Variants in MLXIP observed in about 807,000 individuals in gnomAD.
MLXIP encodes the protein MLX interacting protein, also known as MLX-interacting protein.
A neutral mutation model predicts 87.2 loss-of-function variants in MLXIP; 30 were observed. The observed-to-expected ratio is 0.34, with a 90% CI of 0.26 to 0.47. MLXIP has a LOEUF of 0.47. Ranked by LOEUF, MLXIP falls within the 20% of genes least tolerant of loss-of-function variation. The pLI is 1.00. For missense variants in MLXIP, 1,002 were observed against 1,240.1 expected (o/e 0.81, Z 2.88); for synonymous variants, 530 against 514.0 (o/e 1.03, Z -0.42).
intron 1 of MLXIP, among the ~76,000 whole-genome samples, chr12:122,115,463 C>T (rs1487747456): frequency 6.6e-6 from 1 of 151,714 alleles, no homozygotes; most frequent in Non-Finnish European, 1.5e-5. Flanking sequence ...GTAGCGGGCA[C>T]CTGTCATCCC....
chr12:122,141,091 G>A lies in MLXIP; in HGVS notation c.2638+8G>A, dbSNP rs543956958. ...TGCCCATCCTCAGGCCGAGTGAGTG[G>A]GGCAGTGCCAGGGTGGGGGGCTTCA... On this transcript the variant is annotated splice_region_variant and intron_variant, in intron 16 of 16. Transcript: ENST00000319080. 44 of 1,605,138 alleles carry A rather than the reference G, an allele frequency of 2.7e-5. No individual in the cohort carries two copies. The East Asian group carries it at 7.4e-4, about 27-fold the overall frequency.
chr12:122,129,325 C>G, intron 4 of MLXIP, 99 bp downstream of exon 4: 1 of 1,122,394 alleles, frequency 8.9e-7, no homozygotes, highest in Non-Finnish European at 1.3e-6. Context: ...ACAGCCGCCC[C>G]ACCTGAACGT....
Position 122,133,410 on chromosome 12 carries a change from C to G in MLXIP, c.1155C>G (p.Pro385=). The change falls in exon 9 of 17, where the codon CCC becomes CCG. Residue 385 remains proline, a synonymous_variant. Coordinates refer to ENST00000319080, the MANE Select transcript of MLXIP (RefSeq NM_014938.6). The surrounding 1 kb of genome is among the most constrained non-coding windows in gnomAD (Gnocchi z 4.9). ...GCCTTCCTGACAGCCTCATCGCGCC[C>G]CCTACCGCCCCATCCCTGGCTCACA... ...TVSLPDSLIA[P]PTAPSLAHMD... The G allele has an allele frequency of 6.2e-7, 1 of 1,607,146 alleles. No homozygotes were observed. Among genetic ancestry groups the G allele is most frequent in the Non-Finnish European group, 8.5e-7 (1 of 1,175,098 alleles).
chr12:122,135,041 C>T lies in MLXIP; in HGVS notation c.1733-183C>T. On this transcript the variant is annotated intron_variant, in intron 9 of 16. Transcript: ENST00000319080. The surrounding 1 kb of genome is among the most constrained non-coding windows in gnomAD (Gnocchi z 5.3). Reference sequence around the variant, plus strand: ...AAACATGGTCCTGGCCATCTCTTTCCTGGGTCTATAACATGTCTCCTTCAA... The same window carrying T: ...AAACATGGTCCTGGCCATCTCTTTCTTGGGTCTATAACATGTCTCCTTCAA... 4.5e-6 allele frequency: 3 copies of T among 662,432 alleles called. No individual in the cohort carries two copies. The highest frequency in any genetic ancestry group is 5.3e-6 in the Non-Finnish European group (2 of 378,920). The allele number at this position is 662,432 out of a possible 1,614,324, so 41.0% of individuals were successfully genotyped here.
chr12:122,106,658 GT>G (rs1027185611), intron 1 of MLXIP, among the ~76,000 whole-genome samples: 18 of 132,698 alleles, frequency 1.4e-4, no homozygotes, highest in African/African-American at 5.0e-4. Context: ...CTGGAGTGCA[GT>G]GGCGCGATCT....
chr12:122,144,621 C>G lies in MLXIP; in HGVS notation c.*2809C>G, dbSNP rs1401373509. On this transcript the variant is annotated 3_prime_UTR_variant, in exon 17 of 17. Transcript: ENST00000319080. ...AAAATAGAGGCAGACTGTGGTGGCT[C>G]ACGCCTGTAATCCCAGCACTTTGGT... 1 of 152,062 alleles carries G rather than the reference C, an allele frequency of 6.6e-6. No individual in the cohort carries two copies. The highest frequency in any genetic ancestry group is 1.5e-5 in the Non-Finnish European group (1 of 68,044). The allele number at this position is 152,062 out of a possible 1,614,324, so 9.4% of individuals were successfully genotyped here.
At chr12:122,140,753 G>A (rs768205077) in intron 15 of MLXIP, 2 of 790,062 alleles carry the variant, frequency 2.5e-6, no homozygotes, top group Non-Finnish European at 4.2e-6. Flanking sequence ...TGTTGTCCAG[G>A]TACAGTTAGA....
chr12:122,131,055 AT>A (rs921472680), intron 7 of MLXIP, 122 bp downstream of exon 7: 266 of 661,092 alleles, frequency 4.0e-4, no homozygotes, highest in South Asian at 6.4e-4. Flanking sequence ...CGAGCAAAGA[AT>A]TTTTTTTTAA....
intron 1 of MLXIP, among the ~76,000 whole-genome samples, chr12:122,095,001 CTGTG>C (rs1356891261): frequency 2.3e-5 from 3 of 131,430 alleles, no homozygotes; most frequent in African/African-American, 6.0e-5. Flanking sequence ...TGTGCGGTGT[CTGTG>C]TGGTGTGGTG....
chr12:122,106,848 C>T (rs1428301181), intron 1 of MLXIP, among the ~76,000 whole-genome samples: 3 of 152,062 alleles, frequency 2.0e-5, no homozygotes, highest in Non-Finnish European at 4.4e-5. Flanking sequence ...GTGATACACC[C>T]ACCTTGGCCT....
Position 122,135,547 on chromosome 12 carries a change from C to G in MLXIP, c.1913C>G (p.Thr638Arg). The change falls in exon 11 of 17, where the codon ACG (threonine) becomes AGG (arginine). Residue 638 changes from threonine (T) to arginine (R), a missense_variant. Thr to Arg is a moderately conservative substitution (Grantham distance 71). Coordinates refer to ENST00000319080, the MANE Select transcript of MLXIP (RefSeq NM_014938.6). This position sits in a 1 kb window ranked among gnomAD's most constrained non-coding sequence, Gnocchi z 5.3. The stretch of plus-strand genomic sequence containing the variant: ...CTGGTGACAGATCTCGGCCATGGCA[C>G]GAGCAGCCCGCCTGCCCCCGTCTCC... ...SILVTDLGHG[T>R]SSPPAPVSRL... 6.2e-7 allele frequency: 1 copy of G among 1,605,428 alleles called. No individual in the cohort carries two copies.
Position 122,135,680 on chromosome 12 carries a change from C to T in MLXIP, c.2032+14C>T, listed in dbSNP as rs1262400597. 19 of 1,473,576 alleles carry T rather than the reference C, an allele frequency of 1.3e-5. No homozygotes were observed. The highest frequency in any genetic ancestry group is 5.1e-5 in the Admixed American group (2 of 39,438). 91.3% of individuals were successfully genotyped at this position (1,473,576 alleles called of 1,614,324 possible). ...TCACAGGGCCCAGTGAGTGTTCACT[C>T]GGCGGGATGGTTGGGGCATCGCAAG... On this transcript the variant is annotated intron_variant, in intron 11 of 16. Transcript: ENST00000319080. The surrounding 1 kb of genome is among the most constrained non-coding windows in gnomAD (Gnocchi z 5.3).
intron 1 of MLXIP, among the ~76,000 whole-genome samples, chr12:122,108,585 C>T (rs1330368064): frequency 2.6e-5 from 4 of 152,026 alleles, no homozygotes; most frequent in Middle Eastern, 6.3e-3. Flanking sequence ...CGACTCCTCC[C>T]CACCTCTAAA....
chr12:122,110,350 C>T (rs373909582), intron 1 of MLXIP, among the ~76,000 whole-genome samples: 4 of 151,948 alleles, frequency 2.6e-5, no homozygotes, highest in South Asian at 2.1e-4. Flanking sequence ...TGCAATGGCG[C>T]GGTCTTGGGT....
At chr12:122,086,100 T>C (rs1952164530) in intron 1 of MLXIP, among the ~76,000 whole-genome samples, 1 of 152,102 alleles carries the variant, frequency 6.6e-6, no homozygotes. Flanking sequence ...GCCACGGGAT[T>C]GGGAATATGG....
chr12:122,137,755 CTGTG>C lies in MLXIP; in HGVS notation c.2154+166_2154+169del. The C allele has an allele frequency of 3.0e-6, 2 of 666,574 alleles. No individual in the cohort carries two copies. Among genetic ancestry groups the C allele is most frequent in the South Asian group, 6.7e-5 (1 of 14,928 alleles). 41.3% of individuals were successfully genotyped at this position (666,574 alleles called of 1,614,324 possible). On this transcript the variant is annotated intron_variant, in intron 12 of 16. Coordinates refer to ENST00000319080, the MANE Select transcript of MLXIP (RefSeq NM_014938.6). The surrounding 1 kb of genome is among the most constrained non-coding windows in gnomAD (Gnocchi z 4.1). The stretch of plus-strand genomic sequence containing the variant: ...CCTTGCCCCATGCCACGAACCAGCC[CTGTG>C]GGGATGGTGGGCCCCCTGGAGGCTT...
At chr12:122,096,647 C>T (rs985775105) in intron 1 of MLXIP, among the ~76,000 whole-genome samples, 1 of 152,206 alleles carries the variant, frequency 6.6e-6, no homozygotes, top group Non-Finnish European at 1.5e-5. Context: ...CCTGCGCTTT[C>T]ACATTTGTCC....
intron 1 of MLXIP, among the ~76,000 whole-genome samples, chr12:122,099,565 C>G (rs1433382164): frequency 6.6e-6 from 1 of 152,256 alleles, no homozygotes; most frequent in South Asian, 2.1e-4. Context: ...CCCCAATGAC[C>G]TTTTTGGTCT....
At position 122,133,746 on chromosome 12, in the gene MLXIP, C is replaced by T. The variant is rs73219856; in HGVS notation, c.1491C>T (p.Pro497=). The T allele has an allele frequency of 9.2e-3, 14,899 of 1,613,480 alleles. 101 individuals carry two copies. The highest frequency in any genetic ancestry group is 0.011 in the Non-Finnish European group (13,372 of 1,179,748). The change falls in exon 9 of 17, where the codon CCC becomes CCT. Residue 497 remains proline (P), a synonymous_variant. Transcript: ENST00000319080. This position sits in a 1 kb window ranked among gnomAD's most constrained non-coding sequence, Gnocchi z 4.9. ...CTGCCACCCTCACCCACGATGCCCC[C>T]GCCACCACCTTTAGCCAGAGTCAGG... ...TASATLTHDA[P]ATTFSQSQGL... is the part of the protein sequence containing the mutation.
Sources: gnomAD v4.1 joint callset for allele counts (sites outside exome capture counted in the v4.1 genomes callset) on GRCh38, gnomAD v4.1.1 for gene constraint, Gnocchi (gnomAD v3.1) non-coding constraint, MANE v1.5 for transcripts, NCBI Gene and HGNC (gene_info 2026-07-23, HGNC 2026-07-21) for gene names.